Variants in PPIL6 observed in about 807,000 individuals in gnomAD.
PPIL6 encodes peptidylprolyl isomerase like 6, also known as probable inactive peptidyl-prolyl cis-trans isomerase-like 6.
Under a neutral mutation model 36.8 loss-of-function variants are expected in PPIL6, and 39 were observed. The ratio of observed to expected loss-of-function variants is 1.06; its 90% CI spans 0.82 to 1.38. The LOEUF (loss-of-function observed/expected upper bound fraction) is 1.38, where lower values mean the gene tolerates loss of function less well. Among genes scored for constraint, PPIL6 ranks in the 40% most tolerant of loss-of-function variants. The probability of loss-of-function intolerance (pLI) is 0.00; values close to 1 mark genes in which losing one functional copy is unlikely to be tolerated. For missense variants in PPIL6, 368 were observed against 379.1 expected (o/e 0.97, Z 0.24); for synonymous variants, 123 against 134.1 (o/e 0.92, Z 0.57).
rs560258658 is a variant in PPIL6 at position 109,396,386 on chromosome 6, G to C, written c.825-3449C>G. ...CCTGCTCAGCAGCATGGCACCCGCA[G>C]TCCATTGGGAGTTGGACCCTTGCTG... On this transcript the variant is annotated intron_variant, in intron 7 of 7. Coordinates refer to ENST00000521072, the MANE Select transcript of PPIL6 (RefSeq NM_173672.5). Among the ~76,000 whole-genome samples, 48 of 152,276 alleles carry C rather than the reference G, an allele frequency of 3.2e-4. No homozygotes were observed. In the South Asian group the frequency reaches 9.7e-3, roughly 31 times the overall value.
chr6:109,393,315 T>TAAGTGATCCTCCTGCCTC (rs369142386), intron 7 of PPIL6, among the ~76,000 whole-genome samples: 67 of 152,104 alleles, frequency 4.4e-4, no homozygotes, highest in African/African-American at 1.5e-3. Context: ...CCTCCTGGCT[T>TAAGTGATCCTCCTGCCTC]AAGTGATCCT....
At chr6:109,394,979 C>T (rs1056362716) in intron 7 of PPIL6, among the ~76,000 whole-genome samples, 2 of 152,164 alleles carry the variant, frequency 1.3e-5, no homozygotes, top group Non-Finnish European at 2.9e-5. Context: ...GATTTTCTCT[C>T]CCAAATCCTC....
intron 1 of PPIL6, among the ~76,000 whole-genome samples, chr6:109,438,327 T>A (rs1258124038): frequency 6.6e-6 from 1 of 151,768 alleles, no homozygotes; most frequent in African/African-American, 2.4e-5. Context: ...ATGCCTATAA[T>A]CCCAGCACTT....
Position 109,428,233 on chromosome 6 carries a change from G to A in PPIL6, c.421-1077C>T, listed in dbSNP as rs1189863154. Among the ~76,000 whole-genome samples, 3 of 152,202 alleles carry A rather than the reference G, an allele frequency of 2.0e-5. No individual in the cohort carries two copies. The East Asian group carries it at 5.8e-4, about 29-fold the overall frequency. On this transcript the variant is annotated intron_variant, in intron 3 of 7. Coordinates refer to ENST00000521072, the MANE Select transcript of PPIL6 (RefSeq NM_173672.5). ...TAGGGGCTAAAGCACATTTAATGGA[G>A]TACATTTCAAGTCTTGGGCACCATT...
At chr6:109,440,695 C>A (rs1371569095), upstream of PPIL6, 79 of 834,370 alleles carry the variant, frequency 9.5e-5, no homozygotes, top group East Asian at 4.9e-3. Context: ...AGGGGCGGGT[C>A]GAGGGCGGCC....
chr6:109,424,212 GT>G (rs1294279083), intron 5 of PPIL6, among the ~76,000 whole-genome samples: 1 of 152,146 alleles, frequency 6.6e-6, no homozygotes, highest in African/African-American at 2.4e-5. Context: ...GAAACAGACA[GT>G]GGGGTTGGGG....
chr6:109,431,045 T>C, intron 3 of PPIL6, 112 bp downstream of exon 3: 1 of 778,716 alleles, frequency 1.3e-6, no homozygotes. Context: ...GCTTTAAACT[T>C]AGTCTCCTAC....
intron 6 of PPIL6, among the ~76,000 whole-genome samples, chr6:109,412,062 GACCTGTCCATCA>G (rs1251279161): frequency 6.6e-6 from 1 of 152,206 alleles, no homozygotes; most frequent in Non-Finnish European, 1.5e-5. Flanking sequence ...CTTTCAATCA[GACCTGTCCATCA>G]ATGTGCCATG....
Position 109,392,537 on chromosome 6 carries a change from G to T in PPIL6, c.*289C>A, listed in dbSNP as rs752154340. 45 of 276,174 alleles carry T rather than the reference G, an allele frequency of 1.6e-4. No individual in the cohort carries two copies. Among genetic ancestry groups the T allele is most frequent in the Non-Finnish European group, 2.9e-4 (43 of 148,780 alleles). The allele number at this position is 276,174 out of a possible 1,614,324, so 17.1% of individuals were successfully genotyped here. The stretch of plus-strand genomic sequence containing the variant: ...CTCTCCACATTCCAGACTGGATGAA[G>T]GGGAAGGGGCAGGACCACTGGCGTT... On this transcript the variant is annotated 3_prime_UTR_variant, in exon 8 of 8. Coordinates refer to ENST00000521072, the MANE Select transcript of PPIL6 (RefSeq NM_173672.5).
intron 6 of PPIL6, among the ~76,000 whole-genome samples, chr6:109,418,687 G>A (rs781050513): frequency 7.9e-5 from 12 of 151,750 alleles, no homozygotes; most frequent in East Asian, 1.9e-4. Context: ...TCTGGGAGGC[G>A]TGCGCCATCA....
intron 6 of PPIL6, among the ~76,000 whole-genome samples, chr6:109,414,689 G>T (rs1773168754): frequency 6.6e-6 from 1 of 151,672 alleles, no homozygotes; most frequent in Non-Finnish European, 1.5e-5. Flanking sequence ...TTGCCATGTT[G>T]CCCAGGCTTC....
At position 109,392,662 on chromosome 6, in the gene PPIL6, G is replaced by A. The variant is rs536533175; in HGVS notation, c.*164C>T. On this transcript the variant is annotated 3_prime_UTR_variant, in exon 8 of 8. Coordinates refer to ENST00000521072, the MANE Select transcript of PPIL6 (RefSeq NM_173672.5). Reference sequence around the variant, plus strand: ...CCACCCTTTCACAGTCTCTATGACAGAGACAGGAAAGGAAGATGGGGAGGG... The same window carrying A: ...CCACCCTTTCACAGTCTCTATGACAAAGACAGGAAAGGAAGATGGGGAGGG... 15 of 571,664 alleles carry A rather than the reference G, an allele frequency of 2.6e-5. No homozygotes were observed. Among genetic ancestry groups the A allele is most frequent in the Admixed American group, 1.3e-4 (4 of 29,810 alleles). The allele number at this position is 571,664 out of a possible 1,614,324, so 35.4% of individuals were successfully genotyped here.
At chr6:109,437,957 T>G (rs1323361272) in intron 1 of PPIL6, among the ~76,000 whole-genome samples, 1 of 152,238 alleles carries the variant, frequency 6.6e-6, no homozygotes, top group South Asian at 2.1e-4. Context: ...TAATTTAGTA[T>G]TTGTTGTAGA....
chr6:109,431,277 A>G lies in PPIL6; in HGVS notation c.300T>C (p.Gly100=), dbSNP rs112892716. 570 of 1,612,658 alleles carry G rather than the reference A, an allele frequency of 3.5e-4. 6 individuals are homozygous for G. The African/African-American group carries it at 3.7e-3, about 10-fold the overall frequency. The change falls in exon 3 of 8, where the codon GGT becomes GGC. Residue 100 remains glycine (G), a synonymous_variant. Transcript: ENST00000521072. ...VISFVNGQFL[G]DALDLQKWAH... ...CCCATTTCTGCAGATCCAATGCATC[A>G]CCCAGAAACTGACCATTAACAAAAG...
At chr6:109,405,447 G>T (rs1273725196) in intron 6 of PPIL6, among the ~76,000 whole-genome samples, 2 of 152,096 alleles carry the variant, frequency 1.3e-5, no homozygotes, top group Non-Finnish European at 2.9e-5. Flanking sequence ...TAATGAACCT[G>T]AGCTGTTTAA....
chr6:109,439,117 C>T (rs1183991562), intron 1 of PPIL6, among the ~76,000 whole-genome samples: 1 of 152,082 alleles, frequency 6.6e-6, no homozygotes, highest in Non-Finnish European at 1.5e-5. Flanking sequence ...AACTTGTCAA[C>T]ACTTTCTTTA....
At chr6:109,395,833 T>C (rs546678401) in intron 7 of PPIL6, among the ~76,000 whole-genome samples, 24 of 35,654 alleles carry the variant, frequency 6.7e-4, no homozygotes, top group African/African-American at 3.9e-3. Flanking sequence ...CTCGATCTCT[T>C]TTTTTTTTTT....
chr6:109,427,665 C>T (rs1388151246), intron 3 of PPIL6, among the ~76,000 whole-genome samples: 2 of 152,136 alleles, frequency 1.3e-5, no homozygotes, highest in Admixed American at 6.5e-5. Context: ...AAATTACAGG[C>T]GTGAGCTACC....
At chr6:109,427,860 T>G (rs1773909266) in intron 3 of PPIL6, among the ~76,000 whole-genome samples, 1 of 152,188 alleles carries the variant, frequency 6.6e-6, no homozygotes, top group Non-Finnish European at 1.5e-5. Flanking sequence ...CTACTTCGCT[T>G]CTTTCCTATT....
Sources: gnomAD v4.1 joint callset for allele counts (sites outside exome capture counted in the v4.1 genomes callset) on GRCh38, gnomAD v4.1.1 for gene constraint, MANE v1.5 for transcripts, NCBI Gene and HGNC (gene_info 2026-07-23, HGNC 2026-07-21) for gene names.